PDGFRL: variants seen among roughly 807,000 people sequenced by gnomAD.
PDGFRL encodes the protein platelet-derived growth factor receptor-like protein.
Under a neutral mutation model 37.2 loss-of-function variants are expected in PDGFRL, and 46 were observed. That is an observed-to-expected ratio of 1.24 (90% CI 0.98 to 1.58). The LOEUF is 1.58. Ranked by LOEUF, PDGFRL falls within the 40% of genes most tolerant of loss-of-function variation. The pLI, the probability that PDGFRL is intolerant of heterozygous loss-of-function variation, is 0.00. For missense variants in PDGFRL, 692 were observed against 467.6 expected, an observed-to-expected ratio of 1.48 and a Z score of -4.43; for synonymous variants, 251 against 184.3, an observed-to-expected ratio of 1.36 and a Z score of -2.93.
chr8:17,628,845 C>A, intron 4 of PDGFRL, 65 bp downstream of exon 4: 1 of 1,079,228 alleles, frequency 9.3e-7, no homozygotes, highest in Non-Finnish European at 1.4e-6. Context: ...TACTGCTGTT[C>A]CCTGCCTGCA....
chr8:17,624,016 A>G (rs1804686296), intron 3 of PDGFRL, among the ~76,000 whole-genome samples: 1 of 152,164 alleles, frequency 6.6e-6, no homozygotes, highest in Non-Finnish European at 1.5e-5. Flanking sequence ...AAAAAAATAA[A>G]TGCTGTAACA....
rs1804626270 is a variant in PDGFRL, at chr8:17,621,288, C to G, written c.505+86C>G. ...GGTTCCCCCACTGCATGCTGAATAGCAAATAATGACAATCAGAGCACTTCC... is the reference window on the plus strand; with the variant it reads ...GGTTCCCCCACTGCATGCTGAATAGGAAATAATGACAATCAGAGCACTTCC... On this transcript the variant is annotated intron_variant, in intron 3 of 5. Coordinates refer to ENST00000251630, the MANE Select transcript of PDGFRL (RefSeq NM_001372073.1). 4 of 791,588 alleles carry G rather than the reference C, an allele frequency of 5.1e-6. No homozygotes were observed. In the Admixed American group the frequency reaches 7.8e-5, roughly 16 times the overall value. 49.0% of individuals were successfully genotyped at this position (791,588 alleles called of 1,614,324 possible).
intron 1 of PDGFRL, among the ~76,000 whole-genome samples, chr8:17,585,000 G>T (rs1372511405): frequency 6.6e-6 from 1 of 151,984 alleles, no homozygotes; most frequent in African/African-American, 2.4e-5. Flanking sequence ...TTCCGGGAAA[G>T]GGACGGGAAA....
chr8:17,634,773 C>T (rs55638952), intron 5 of PDGFRL, among the ~76,000 whole-genome samples: 1 of 151,802 alleles, frequency 6.6e-6, no homozygotes, highest in Non-Finnish European at 1.5e-5. Context: ...AATGATTAGA[C>T]TACATGGACA....
Position 17,634,203 on chromosome 8 carries a change from C to T in PDGFRL, c.929C>T (p.Pro310Leu), listed in dbSNP as rs1336789773. The T allele has an allele frequency of 5.6e-6, 9 of 1,612,202 alleles. No homozygotes were observed. In the South Asian group the frequency reaches 7.7e-5, roughly 14 times the overall value. ...DVEVEFTWIF[P>L]GQKDERPVTI... is the part of the protein sequence containing the mutation. ...GAGGTGGAGTTCACCTGGATCTTCC[C>T]AGGGCAGAAGGTAAGTGTTGTACCT... Residue 310 changes from proline to leucine, a missense_variant, in exon 5 of 6, where the codon CCA (proline) becomes CTA (leucine). Physicochemically the swap from Pro to Leu is moderately conservative, Grantham distance 98 (BLOSUM62 -3). Coordinates refer to ENST00000251630, the MANE Select transcript of PDGFRL (RefSeq NM_001372073.1).
At chr8:17,595,074 G>C (rs749712690) in intron 2 of PDGFRL, among the ~76,000 whole-genome samples, 2 of 152,056 alleles carry the variant, frequency 1.3e-5, no homozygotes, top group Admixed American at 6.6e-5. Context: ...CACAAGCCGG[G>C]TCAGGAGCAG....
chr8:17,604,126 C>G (rs1804223998), intron 2 of PDGFRL, among the ~76,000 whole-genome samples: 1 of 152,160 alleles, frequency 6.6e-6, no homozygotes, highest in African/African-American at 2.4e-5. Flanking sequence ...AACACTTTTA[C>G]ACTGTTGGTG....
intron 2 of PDGFRL, among the ~76,000 whole-genome samples, chr8:17,605,190 C>T (rs1312010861): frequency 6.6e-6 from 1 of 152,000 alleles, no homozygotes; most frequent in African/African-American, 2.4e-5. Flanking sequence ...AAAGAAGATG[C>T]TGAGTAATAT....
Position 17,621,081 on chromosome 8 carries a change from G to A in PDGFRL, c.384G>A (p.Leu128=). 6.2e-7 allele frequency: 1 copy of A among 1,610,148 alleles called. No homozygotes were observed. The highest frequency in any genetic ancestry group is 8.5e-7 in the Non-Finnish European group (1 of 1,177,458). ...SVKQNERYGQ[L]TLVNSTSADT... ...AGCAGAATGAGCGCTACGGCCAGTT[G>A]ACTCTGGTCAACTCCACCTCGGCAG... Residue 128 remains leucine, a synonymous_variant, in exon 3 of 6, where the codon TTG becomes TTA. Transcript: ENST00000251630.
intron 3 of PDGFRL, among the ~76,000 whole-genome samples, chr8:17,626,847 C>T (rs1050771580): frequency 1.3e-5 from 2 of 152,000 alleles, no homozygotes; most frequent in Admixed American, 6.6e-5. Flanking sequence ...TCTCCCATTT[C>T]AGTAAGATAA....
chr8:17,622,429 TAGACATAGGCCTA>T (rs1804653359), intron 3 of PDGFRL, among the ~76,000 whole-genome samples: 1 of 115,758 alleles, frequency 8.6e-6, no homozygotes, highest in Non-Finnish European at 1.9e-5. Flanking sequence ...GGCCTAGACC[TAGACATAGGCCTA>T]TGACCCAAAG....
At chr8:17,588,718 G>T (rs930362674) in intron 1 of PDGFRL, among the ~76,000 whole-genome samples, 1 of 152,136 alleles carries the variant, frequency 6.6e-6, no homozygotes, top group Admixed American at 6.5e-5. Context: ...AGCACAGTTT[G>T]TGTCCCCAGT....
chr8:17,610,245 CT>C (rs934351978), intron 2 of PDGFRL, among the ~76,000 whole-genome samples: 1 of 152,130 alleles, frequency 6.6e-6, no homozygotes, highest in Non-Finnish European at 1.5e-5. Flanking sequence ...GCATGTTTTT[CT>C]GATGTTACCC....
intron 2 of PDGFRL, among the ~76,000 whole-genome samples, chr8:17,606,190 C>A (rs1458000693): frequency 1.5e-5 from 2 of 137,808 alleles, no homozygotes; most frequent in Non-Finnish European, 3.2e-5. Flanking sequence ...TATTTTTTTT[C>A]AAATAATTTA....
Position 17,621,069 on chromosome 8 carries a change from C to T in PDGFRL, c.372C>T (p.Arg124=). Residue 124 remains arginine, a synonymous_variant, in exon 3 of 6, where the codon CGC becomes CGT. Coordinates refer to ENST00000251630, the MANE Select transcript of PDGFRL (RefSeq NM_001372073.1). ...TTCCTAGCGTCAAGCAGAATGAGCG[C>T]TACGGCCAGTTGACTCTGGTCAACT... ...DSRLSVKQNE[R]YGQLTLVNST... The T allele has an allele frequency of 3.7e-6, 6 of 1,608,762 alleles. No homozygotes were observed. The highest frequency in any genetic ancestry group is 5.1e-6 in the Non-Finnish European group (6 of 1,176,472).
chr8:17,628,917 T>G (rs920633771), intron 4 of PDGFRL, 137 bp downstream of exon 4: 1 of 631,782 alleles, frequency 1.6e-6, no homozygotes, highest in Non-Finnish European at 2.8e-6. Context: ...GTTGTTGTTT[T>G]TTTTTCTCTT....
At chr8:17,631,887 C>T (rs1479210201) in intron 4 of PDGFRL, among the ~76,000 whole-genome samples, 3 of 152,232 alleles carry the variant, frequency 2.0e-5, no homozygotes, top group Non-Finnish European at 4.4e-5. Flanking sequence ...TTCTTTCCCA[C>T]TCCTTGTTCT....
intron 1 of PDGFRL, among the ~76,000 whole-genome samples, chr8:17,578,517 A>C (rs1025571339): frequency 6.6e-6 from 1 of 152,210 alleles, no homozygotes; most frequent in Non-Finnish European, 1.5e-5. Flanking sequence ...AGTTGCCATG[A>C]GTTCAGTTTG....
intron 1 of PDGFRL, among the ~76,000 whole-genome samples, chr8:17,582,327 C>T (rs139627144): frequency 9.9e-5 from 15 of 152,200 alleles, no homozygotes; most frequent in Admixed American, 7.8e-4. Flanking sequence ...GGGTGGCTCA[C>T]GCCTGTAATC....
Sources: allele counts gnomAD v4.1 joint callset (sites outside exome capture counted in the v4.1 genomes callset), GRCh38; gene constraint gnomAD v4.1.1; transcripts MANE v1.5; gene names NCBI Gene and HGNC (gene_info 2026-07-23, HGNC 2026-07-21).